Variants in CLTCL1 observed in about 807,000 individuals in gnomAD.
CLTCL1 encodes clathrin heavy chain 2.
Under a neutral mutation model 190.0 loss-of-function variants are expected in CLTCL1, and 159 were observed. That is an observed-to-expected ratio of 0.84 (90% CI 0.74 to 0.95). The LOEUF (loss-of-function observed/expected upper bound fraction) is 0.95, where lower values mean the gene tolerates loss of function less well. Among genes scored for constraint, CLTCL1 ranks in the 40% least tolerant of loss-of-function variants. The pLI is 0.00. For missense variants in CLTCL1, 1,878 were observed against 2,033.4 expected (o/e 0.92, Z 1.47); for synonymous variants, 752 against 769.6 (o/e 0.98, Z 0.38).
chr22:19,196,724 T>C, intron 24 of CLTCL1, 68 bp from the exon 25 acceptor site: 2 of 1,530,860 alleles, frequency 1.3e-6, no homozygotes, highest in Admixed American at 1.9e-5. Context: ...CTCCAGCCCA[T>C]GCCCACGCCG....
chr22:19,211,323 C>A (rs180904789), intron 19 of CLTCL1, among the ~76,000 whole-genome samples: 3 of 152,292 alleles, frequency 2.0e-5, no homozygotes, highest in African/African-American at 7.2e-5. Context: ...AGTCTGGACA[C>A]TTTCCCCGAG....
In CLTCL1 at chr22:19,198,273, C is replaced by T. The variant is rs183797715; in HGVS notation, c.3873+1461G>A. ...CAATCCTGATGGCCTGATCACCTCT[C>T]ACCCTGTCACCACCACCCTAGTCAG... On this transcript the variant is annotated intron_variant, in intron 24 of 32. Coordinates refer to ENST00000427926, the MANE Select transcript of CLTCL1 (RefSeq NM_007098.4). This position sits in a 1 kb window ranked among gnomAD's most constrained non-coding sequence, Gnocchi z 4.1. Among the ~76,000 whole-genome samples, 1 of 152,342 alleles carries T rather than the reference C, an allele frequency of 6.6e-6. No individual in the cohort carries two copies. Among genetic ancestry groups the T allele is most frequent in the Admixed American group, 6.5e-5 (1 of 15,310 alleles).
intron 12 of CLTCL1, 85 bp downstream of exon 12, chr22:19,226,134 T>C (rs2085735333): frequency 6.9e-6 from 10 of 1,455,866 alleles, no homozygotes; most frequent in Non-Finnish European, 8.4e-6. Context: ...AGTTCCACAA[T>C]CACCAACAGG....
intron 13 of CLTCL1, 40 bp downstream of exon 13, chr22:19,225,413 T>C (rs1555955179): frequency 6.6e-7 from 1 of 1,518,372 alleles, no homozygotes; most frequent in East Asian, 2.4e-5. Context: ...AAAGGAGGTG[T>C]AGTCACATGG....
At chr22:19,212,026 T>A (rs1485625457) in intron 19 of CLTCL1, among the ~76,000 whole-genome samples, 2 of 152,096 alleles carry the variant, frequency 1.3e-5, no homozygotes, top group Admixed American at 6.6e-5. Context: ...AAAATCTACA[T>A]ATGACCTATA....
At chr22:19,234,942 C>T (rs2086032919) in intron 6 of CLTCL1, among the ~76,000 whole-genome samples, 4 of 152,208 alleles carry the variant, frequency 2.6e-5, no homozygotes, top group South Asian at 4.1e-4. Context: ...AAGTGTGATG[C>T]GTTCTGCGCT....
At chr22:19,236,300 A>G (rs2145901880) in intron 5 of CLTCL1, among the ~76,000 whole-genome samples, 1 of 152,378 alleles carries the variant, frequency 6.6e-6, no homozygotes, top group Middle Eastern at 3.4e-3. Context: ...TCTTTCAGGT[A>G]GAGCGATCCT....
intron 26 of CLTCL1, 67 bp downstream of exon 26, chr22:19,196,199 T>A: frequency 6.5e-7 from 1 of 1,535,062 alleles, no homozygotes. Context: ...CACCTGCCCA[T>A]TCCCCTGCAC....
At position 19,241,393 on chromosome 22, in the gene CLTCL1, A is replaced by G. The variant is rs186996943; in HGVS notation, c.681+1382T>C. Among the ~76,000 whole-genome samples, 80 of 152,360 alleles carry G rather than the reference A, an allele frequency of 5.3e-4. No individual in the cohort carries two copies. In the East Asian group the frequency reaches 0.011, roughly 21 times the overall value. Reference sequence around the variant, plus strand: ...AATATGGGAGCAAGCTCTTTGAGCCACATAACTAAAGTCAGTGTCCTTCAT... The same window carrying G: ...AATATGGGAGCAAGCTCTTTGAGCCGCATAACTAAAGTCAGTGTCCTTCAT... On this transcript the variant is annotated intron_variant, in intron 4 of 32. Coordinates refer to ENST00000427926, the MANE Select transcript of CLTCL1 (RefSeq NM_007098.4).
chr22:19,240,265 C>A (rs1555964670), intron 4 of CLTCL1, among the ~76,000 whole-genome samples: 3 of 152,000 alleles, frequency 2.0e-5, no homozygotes. Context: ...GCCCAGCCAC[C>A]ATAACTTTCA....
At chr22:19,241,168 G>A (rs1345581834) in intron 4 of CLTCL1, among the ~76,000 whole-genome samples, 1 of 152,222 alleles carries the variant, frequency 6.6e-6, no homozygotes, top group Non-Finnish European at 1.5e-5. Flanking sequence ...TCGGCTGGAG[G>A]GGCATGCCCA....
chr22:19,260,751 C>G (rs535595156), intron 2 of CLTCL1, among the ~76,000 whole-genome samples: 1 of 138,990 alleles, frequency 7.2e-6, no homozygotes, highest in South Asian at 2.2e-4. Flanking sequence ...TGCACTCCAG[C>G]CTGGGCAACA....
intron 5 of CLTCL1, among the ~76,000 whole-genome samples, chr22:19,237,478 T>G (rs527346344): frequency 3.7e-4 from 57 of 152,142 alleles, no homozygotes; most frequent in Non-Finnish European, 7.8e-4. Flanking sequence ...TCAGTAGGAA[T>G]GTGAACTGGC....
At chr22:19,226,506 A>C in intron 11 of CLTCL1, 123 bp from the exon 12 acceptor site, 2 of 1,050,628 alleles carry the variant, frequency 1.9e-6, no homozygotes, top group Non-Finnish European at 2.8e-6. Context: ...GCCCCTGTCC[A>C]CATCCATACC....
intron 2 of CLTCL1, among the ~76,000 whole-genome samples, chr22:19,268,515 A>C (rs976499500): frequency 3.0e-4 from 45 of 151,712 alleles, no homozygotes; most frequent in African/African-American, 1.1e-3. Flanking sequence ...AAGATGGACA[A>C]CACAATTAAG....
At chr22:19,182,706 T>C (rs2084179909) in intron 30 of CLTCL1, 1 of 152,172 alleles carries the variant, frequency 6.6e-6, no homozygotes, top group African/African-American at 2.4e-5. Context: ...CCATCTGGCT[T>C]GAAGGAGGTT....
Position 19,247,165 on chromosome 22 carries a change from T to A in CLTCL1, c.520-4229A>T, listed in dbSNP as rs532381338. Among the ~76,000 whole-genome samples the A allele has an allele frequency of 3.0e-4, 46 of 152,348 alleles. 1 individual carries two copies. The East Asian group carries it at 5.0e-3, about 17-fold the overall frequency. On this transcript the variant is annotated intron_variant, in intron 3 of 32. Coordinates refer to ENST00000427926, the MANE Select transcript of CLTCL1 (RefSeq NM_007098.4). Reference sequence around the variant, plus strand: ...AGGTTTCAGATCTATTTTGAGTTTATTTTTGTACATGGTGTGAGGCAGGTG... The same window carrying A: ...AGGTTTCAGATCTATTTTGAGTTTAATTTTGTACATGGTGTGAGGCAGGTG...
At chr22:19,201,639 G>A in intron 22 of CLTCL1, 146 bp from the exon 23 acceptor site, 2 of 900,242 alleles carry the variant, frequency 2.2e-6, no homozygotes, top group Non-Finnish European at 3.3e-6. Flanking sequence ...ACCAGATGAA[G>A]TTGGCCTTGG....
At position 19,216,123 on chromosome 22, in the gene CLTCL1, A is replaced by G; in HGVS notation, c.3053T>C (p.Phe1018Ser). ...LEKIVLDNSV[F>S]SEHRNLQNLL... Reference sequence around the variant, plus strand: ...GGCATAGCCTCACCTGTGCTCGCTGAAGACAGAGTTATCCAGAACTATCTT... The same window carrying G: ...GGCATAGCCTCACCTGTGCTCGCTGGAGACAGAGTTATCCAGAACTATCTT... Residue 1018 changes from phenylalanine (F) to serine (S), a missense_variant, in exon 19 of 33, where the codon TTC becomes TCC. Phe to Ser is a radical substitution (Grantham distance 155). Coordinates refer to ENST00000427926, the MANE Select transcript of CLTCL1 (RefSeq NM_007098.4). The G allele has an allele frequency of 6.2e-7, 1 of 1,613,772 alleles. No individual in the cohort carries two copies. The highest frequency in any genetic ancestry group is 8.5e-7 in the Non-Finnish European group (1 of 1,179,734).
Sources: allele counts gnomAD v4.1 joint callset (sites outside exome capture counted in the v4.1 genomes callset), GRCh38; gene constraint gnomAD v4.1.1; non-coding constraint Gnocchi (gnomAD v3.1); transcripts MANE v1.5; gene names NCBI Gene and HGNC (gene_info 2026-07-23, HGNC 2026-07-21).